The following CRTAC1 variants were observed in gnomAD, a reference collection of about 807,000 sequenced individuals.
CRTAC1 encodes acidic secreted protein in cartilage.
A neutral mutation model predicts 67.8 loss-of-function variants in CRTAC1; 37 were observed. The ratio of observed to expected loss-of-function variants is 0.55; its 90% CI spans 0.42 to 0.72. The LOEUF (loss-of-function observed/expected upper bound fraction) is 0.72. Among genes scored for constraint, CRTAC1 ranks in the 30% least tolerant of loss-of-function variants. The probability of loss-of-function intolerance (pLI) is 0.00; values close to 1 mark genes in which losing one functional copy is unlikely to be tolerated. For missense variants in CRTAC1, 780 were observed against 931.6 expected, an observed-to-expected ratio of 0.84 and a Z score of 2.12; for synonymous variants, 348 against 371.0, an observed-to-expected ratio of 0.94 and a Z score of 0.71.
chr10:97,873,523 T>A (rs1452484469), intron 14 of CRTAC1, among the ~76,000 whole-genome samples: 4 of 152,208 alleles, frequency 2.6e-5, no homozygotes, highest in African/African-American at 9.6e-5. Context: ...CCTTCTGCCA[T>A]GGTCTCCATA....
At chr10:97,985,829 C>A (rs2051972040) in intron 2 of CRTAC1, among the ~76,000 whole-genome samples, 1 of 152,152 alleles carries the variant, frequency 6.6e-6, no homozygotes, top group Non-Finnish European at 1.5e-5. Flanking sequence ...AGCTGGCCCA[C>A]CCATCCCAGC....
chr10:97,994,957 T>A (rs1444340969), intron 2 of CRTAC1, among the ~76,000 whole-genome samples: 1 of 152,190 alleles, frequency 6.6e-6, no homozygotes, highest in Non-Finnish European at 1.5e-5. Flanking sequence ...AGAATCCCCT[T>A]CCACTGCCCA....
At chr10:97,922,696 A>C (rs1376830722) in intron 4 of CRTAC1, among the ~76,000 whole-genome samples, 3 of 152,052 alleles carry the variant, frequency 2.0e-5, no homozygotes, top group Non-Finnish European at 2.9e-5. Flanking sequence ...TGGGTGGGGC[A>C]CCTCTGTGTA....
At chr10:97,909,315 C>T (rs961688577) in intron 5 of CRTAC1, among the ~76,000 whole-genome samples, 7 of 152,216 alleles carry the variant, frequency 4.6e-5, no homozygotes, top group East Asian at 1.9e-4. Context: ...CGCCCCCAAA[C>T]GCTGGAAATA....
chr10:97,979,524 C>T (rs4919166), intron 2 of CRTAC1, among the ~76,000 whole-genome samples: 4 of 152,174 alleles, frequency 2.6e-5, no homozygotes, highest in Non-Finnish European at 4.4e-5. Context: ...TTTCTTCTTT[C>T]GGCCCTTACA....
At chr10:97,926,956 C>T (rs1324147558) in intron 3 of CRTAC1, among the ~76,000 whole-genome samples, 7 of 152,174 alleles carry the variant, frequency 4.6e-5, no homozygotes, top group Admixed American at 2.0e-4. Flanking sequence ...AACCATGGCC[C>T]CTTTAGATGC....
At chr10:97,884,587 A>T in intron 11 of CRTAC1, 1 of 468,242 alleles carries the variant, frequency 2.1e-6, no homozygotes. Context: ...TGTCCAGTAC[A>T]GTAGCCACTG....
chr10:97,985,117 C>A (rs1326395189), intron 2 of CRTAC1, among the ~76,000 whole-genome samples: 1 of 152,076 alleles, frequency 6.6e-6, no homozygotes, highest in Non-Finnish European at 1.5e-5. Flanking sequence ...TCCTTGATTA[C>A]CATTTTTCTG....
chr10:97,900,441 AC>A (rs1296074366), intron 8 of CRTAC1, among the ~76,000 whole-genome samples: 1 of 152,136 alleles, frequency 6.6e-6, no homozygotes, highest in East Asian at 1.9e-4. Flanking sequence ...ATTTACTTGG[AC>A]CCCGTAGCCC....
intron 4 of CRTAC1, among the ~76,000 whole-genome samples, 159 bp downstream of exon 4, chr10:97,923,105 T>C (rs1182082544): frequency 6.6e-6 from 1 of 152,160 alleles, no homozygotes; most frequent in East Asian, 1.9e-4. Flanking sequence ...GAAAGGTACA[T>C]AGGAATGCAT....
intron 2 of CRTAC1, among the ~76,000 whole-genome samples, chr10:97,944,510 A>G (rs1260439431): frequency 2.0e-5 from 3 of 152,226 alleles, no homozygotes; most frequent in African/African-American, 7.2e-5. Flanking sequence ...TAAGGCTAAG[A>G]AATGAGCAAA....
intron 2 of CRTAC1, among the ~76,000 whole-genome samples, chr10:97,971,642 T>C (rs1009027970): frequency 6.6e-6 from 1 of 152,208 alleles, no homozygotes; most frequent in Non-Finnish European, 1.5e-5. Flanking sequence ...CTCTTAAAGA[T>C]GGTTAAGAAA....
chr10:97,895,632 A>G lies in CRTAC1; in HGVS notation c.1318-219T>C, dbSNP rs2050446519. ...AGAGGCACTGCAGACAGAGGAGACA[A>G]AAGCCGAGGGACTCAGGGCACAGTG... On this transcript the variant is annotated intron_variant, in intron 10 of 14. Transcript: ENST00000370597. This position sits in a 1 kb window ranked among gnomAD's most constrained non-coding sequence, Gnocchi z 4.2. Among the ~76,000 whole-genome samples, 1 of 152,198 alleles carries G rather than the reference A, an allele frequency of 6.6e-6. No individual in the cohort carries two copies. Among genetic ancestry groups the G allele is most frequent in the African/African-American group, 2.4e-5 (1 of 41,446 alleles).
chr10:98,008,333 T>C (rs1187131127), intron 2 of CRTAC1, among the ~76,000 whole-genome samples: 1 of 151,506 alleles, frequency 6.6e-6, no homozygotes, highest in Non-Finnish European at 1.5e-5. Flanking sequence ...AGAGGCTCTT[T>C]GCATCCTCCT....
At chr10:97,885,790 G>A (rs1437543499) in intron 11 of CRTAC1, among the ~76,000 whole-genome samples, 3 of 152,170 alleles carry the variant, frequency 2.0e-5, no homozygotes, top group East Asian at 1.9e-4. Flanking sequence ...GTGGGGACAC[G>A]GGGTCCTGCA....
In CRTAC1 at chr10:97,880,130, A is replaced by G. The variant is rs1240635337; in HGVS notation, c.1819+119T>C. On this transcript the variant is annotated intron_variant, in intron 14 of 14. Transcript: ENST00000370597. ...CTGGAGACCCAATATGGGTCAAAGG[A>G]GACTCTATCCAGCCAGGAGAAGGAA... The G allele has an allele frequency of 2.5e-6, 3 of 1,216,480 alleles. No homozygotes were observed. The South Asian group carries it at 4.2e-5, about 17-fold the overall frequency. 75.4% of individuals were successfully genotyped at this position (1,216,480 alleles called of 1,614,324 possible).
At chr10:97,952,538 C>CA (rs397844653) in intron 2 of CRTAC1, among the ~76,000 whole-genome samples, 1,343 of 63,758 alleles carry the variant, frequency 0.021, 50 homozygotes, top group African/African-American at 0.065. Flanking sequence ...AATTCCATCT[C>CA]AAAAAAAAAA....
chr10:98,030,414 G>T lies in CRTAC1; in HGVS notation c.24+35C>A. ...GCGCAGAGCTGGAGAAACTTTCTCC[G>T]CCTTAGGGTGGGGGGCACCGGTGCA... On this transcript the variant is annotated intron_variant, in intron 1 of 14. Coordinates refer to ENST00000370597, the MANE Select transcript of CRTAC1 (RefSeq NM_018058.7). The surrounding 1 kb of genome is among the most constrained non-coding windows in gnomAD (Gnocchi z 4.2). 1.6e-6 allele frequency: 2 copies of T among 1,235,414 alleles called. No individual in the cohort carries two copies. Among genetic ancestry groups the T allele is most frequent in the African/African-American group, 3.1e-5 (2 of 64,384 alleles). The allele number at this position is 1,235,414 out of a possible 1,614,324, so 76.5% of individuals were successfully genotyped here.
chr10:98,024,180 C>A (rs887734883), intron 1 of CRTAC1, among the ~76,000 whole-genome samples: 1 of 152,236 alleles, frequency 6.6e-6, no homozygotes, highest in African/African-American at 2.4e-5. Flanking sequence ...CACCGGGACA[C>A]TCCCAGGGCT....
Sources: gnomAD v4.1 joint callset for allele counts (sites outside exome capture counted in the v4.1 genomes callset) on GRCh38, gnomAD v4.1.1 for gene constraint, Gnocchi (gnomAD v3.1) non-coding constraint, MANE v1.5 for transcripts, NCBI Gene and HGNC (gene_info 2026-07-23, HGNC 2026-07-21) for gene names.